Variants in LOC128462377 observed in about 807,000 individuals in gnomAD.
At chr16:89,353,613 G>T in the LOC128462377 span, among the ~76,000 whole-genome samples, 53 of 152,122 alleles carry the variant, frequency 3.5e-4, no homozygotes, top group Non-Finnish European at 1.5e-5. Context: ...TAGTAGCTGG[G>T]ATTACAGGCA....
chr16:89,361,332 G>C, the LOC128462377 span, among the ~76,000 whole-genome samples: 1 of 152,296 alleles, frequency 6.6e-6, no homozygotes, highest in South Asian at 2.1e-4. Flanking sequence ...CGCCGGGGGC[G>C]GGGGGTGCTG....
At chr16:89,318,655 C>G in the LOC128462377 span, among the ~76,000 whole-genome samples, 1 of 152,248 alleles carries the variant, frequency 6.6e-6, no homozygotes, top group Non-Finnish European at 1.5e-5. Context: ...TGGACGCAGG[C>G]TTGGCTGAGA....
chr16:89,410,610 T>G, the LOC128462377 span, among the ~76,000 whole-genome samples: 1 of 152,190 alleles, frequency 6.6e-6, no homozygotes, highest in Non-Finnish European at 1.5e-5. Flanking sequence ...CCTAAAGCAG[T>G]TGCTATCCTG....
At chr16:89,390,454 C>CA in the LOC128462377 span, among the ~76,000 whole-genome samples, 1 of 152,072 alleles carries the variant, frequency 6.6e-6, no homozygotes, top group African/African-American at 2.4e-5. Flanking sequence ...GGGGTGCTCC[C>CA]AAAGGAGGTG....
At chr16:89,327,589 G>C in the LOC128462377 span, among the ~76,000 whole-genome samples, 3 of 152,026 alleles carry the variant, frequency 2.0e-5, no homozygotes, top group African/African-American at 7.3e-5. Flanking sequence ...ATGAAAACAA[G>C]AAATAAAGAC....
At chr16:89,334,144 T>TAAAAAAAAAAAAAAA in the LOC128462377 span, among the ~76,000 whole-genome samples, 14 of 41,412 alleles carry the variant, frequency 3.4e-4, 1 homozygote, top group African/African-American at 1.3e-3. Context: ...CCCTGTGTTT[T>TAAAAAAAAAAAAAAA]AAAAAAAAAA....
At chr16:89,325,724 T>C in the LOC128462377 span, among the ~76,000 whole-genome samples, 2 of 152,088 alleles carry the variant, frequency 1.3e-5, no homozygotes, top group Non-Finnish European at 1.5e-5. Context: ...GGGTGGACGT[T>C]TGGGTTCTCA....
the LOC128462377 span, among the ~76,000 whole-genome samples, chr16:89,415,697 G>C: frequency 6.6e-6 from 1 of 151,136 alleles, no homozygotes; most frequent in Non-Finnish European, 1.5e-5. Context: ...GTGTGGTGGT[G>C]GGTACCTGTA....
the LOC128462377 span, among the ~76,000 whole-genome samples, chr16:89,322,638 C>T: frequency 6.8e-6 from 1 of 148,116 alleles, no homozygotes; most frequent in Non-Finnish European, 1.5e-5. Flanking sequence ...CTGACAGGAT[C>T]AAACACCAAA....
chr16:89,376,341 C>T, the LOC128462377 span, among the ~76,000 whole-genome samples: 1 of 152,312 alleles, frequency 6.6e-6, no homozygotes, highest in Admixed American at 6.5e-5. Context: ...GTCAAGATAA[C>T]AGGAGAAGCA....
chr16:89,367,287 G>A, the LOC128462377 span, among the ~76,000 whole-genome samples: 1,089 of 152,344 alleles, frequency 7.1e-3, 10 homozygotes, highest in African/African-American at 0.025. Context: ...TCCTGCCGCA[G>A]GGGCCAGTGC....
chr16:89,380,648 G>A, the LOC128462377 span, among the ~76,000 whole-genome samples: 1 of 152,204 alleles, frequency 6.6e-6, no homozygotes, highest in Non-Finnish European at 1.5e-5. Flanking sequence ...TAGGAGACAG[G>A]CTTCTAGATC....
At chr16:89,416,022 C>T in the LOC128462377 span, among the ~76,000 whole-genome samples, 2 of 151,720 alleles carry the variant, frequency 1.3e-5, no homozygotes, top group South Asian at 4.2e-4. Context: ...GGGCCTTCCT[C>T]GTATTCAATC....
chr16:89,372,259 G>T, the LOC128462377 span, among the ~76,000 whole-genome samples: 1 of 152,044 alleles, frequency 6.6e-6, no homozygotes, highest in Non-Finnish European at 1.5e-5. Context: ...CCTGCAGCCC[G>T]AGCCTCTCAC....
chr16:89,330,072 A>G, the LOC128462377 span, among the ~76,000 whole-genome samples: 3 of 152,192 alleles, frequency 2.0e-5, no homozygotes, highest in Admixed American at 2.0e-4. Context: ...CATTAAATAT[A>G]AACATTTTAA....
chr16:89,404,168 G>A, the LOC128462377 span, among the ~76,000 whole-genome samples: 1 of 152,196 alleles, frequency 6.6e-6, no homozygotes, highest in East Asian at 1.9e-4. Flanking sequence ...ACAGCCCACA[G>A]GTGGCTCGAC....
At chr16:89,330,615 G>A in the LOC128462377 span, among the ~76,000 whole-genome samples, 1 of 145,622 alleles carries the variant, frequency 6.9e-6, no homozygotes, top group Non-Finnish European at 1.5e-5. Flanking sequence ...GGCTGCGTGA[G>A]GGTCCTCGTG....
chr16:89,407,476 A>G, the LOC128462377 span, among the ~76,000 whole-genome samples: 4 of 152,022 alleles, frequency 2.6e-5, no homozygotes, highest in South Asian at 6.2e-4. Context: ...AAAAGGAACC[A>G]CGTTCGCCTC....
At chr16:89,378,208 G>A in the LOC128462377 span, among the ~76,000 whole-genome samples, 2 of 152,164 alleles carry the variant, frequency 1.3e-5, no homozygotes, top group South Asian at 4.1e-4. Context: ...GGGAAAAAAA[G>A]TGCTTTGTAT....
Sources: gnomAD v4.1 joint callset for allele counts (sites outside exome capture counted in the v4.1 genomes callset) on GRCh38, gnomAD v4.1.1 for gene constraint, MANE v1.5 for transcripts.